DLGAP2: variants seen among roughly 807,000 people sequenced by gnomAD.
DLGAP2 encodes the protein disks large-associated protein 2.
In DLGAP2, 26 loss-of-function variants were observed where a neutral mutation model predicts 100.3. The ratio of observed to expected loss-of-function variants is 0.26; its 90% confidence interval spans 0.19 to 0.36. The LOEUF (loss-of-function observed/expected upper bound fraction) is 0.36, where lower values mean the gene tolerates loss of function less well. Ranked by LOEUF, DLGAP2 falls within the 10% of genes least tolerant of loss-of-function variation. The probability of loss-of-function intolerance (pLI) is 1.00; values close to 1 mark genes in which losing one functional copy is unlikely to be tolerated. For synonymous variants in DLGAP2, 886 were observed against 630.1 expected (o/e 1.41, Z -6.08); for missense variants, 1,858 against 1,453.2 (o/e 1.28, Z -4.53).
chr8:761,459 G>A (rs73673010), intron 1 of DLGAP2, among the ~76,000 whole-genome samples: 2,100 of 152,230 alleles, frequency 0.014, 44 homozygotes, highest in African/African-American at 0.049. Flanking sequence ...AATAATGGCC[G>A]GGCCTTCTGT....
At position 1,238,288 on chromosome 8, in the gene DLGAP2, T is replaced by TAGC. The variant is rs1162009001; in HGVS notation, c.74-20563_74-20562insAGC. Among the ~76,000 whole-genome samples, 10 of 29,022 alleles carry TAGC rather than the reference T, an allele frequency of 3.4e-4. 1 individual carries two copies. The highest frequency in any genetic ancestry group is 1.6e-3 in the African/African-American group (8 of 5,060). The allele number at this position is 29,022 out of a possible 152,430, so 19.0% of individuals were successfully genotyped here. A position where few individuals can be genotyped will look rare whatever the true frequency, so the allele number is the denominator to read the frequency against. ...TGGTACCGTGTCTAGTTCTCTCACA[T>TAGC]GTTGCCGTGTCTAGTTCTCTCTCAC... On this transcript the variant is annotated intron_variant, in intron 2 of 14. Coordinates refer to ENST00000637795, the MANE Select transcript of DLGAP2 (RefSeq NM_001346810.2).
intron 3 of DLGAP2, among the ~76,000 whole-genome samples, chr8:1,261,867 G>A (rs1799357076): frequency 2.0e-5 from 3 of 152,296 alleles, no homozygotes; most frequent in Admixed American, 6.5e-5. Flanking sequence ...CAGCTTCTGC[G>A]AGTTAACTCA....
chr8:1,317,404 C>G (rs1256805505), intron 3 of DLGAP2, among the ~76,000 whole-genome samples: 2 of 140,088 alleles, frequency 1.4e-5, no homozygotes, highest in African/African-American at 2.8e-5. Flanking sequence ...AGTGCAGCGT[C>G]TCTCCAACAG....
chr8:1,121,400 C>T (rs1796044444), intron 2 of DLGAP2, among the ~76,000 whole-genome samples: 1 of 151,664 alleles, frequency 6.6e-6, no homozygotes, highest in Non-Finnish European at 1.5e-5. Flanking sequence ...CCCTGACCAC[C>T]CATCCTCTTC....
intron 2 of DLGAP2, among the ~76,000 whole-genome samples, chr8:1,094,992 C>G (rs1804319064): frequency 6.6e-6 from 1 of 152,330 alleles, no homozygotes; most frequent in East Asian, 1.9e-4. Flanking sequence ...GTCTCAGCAG[C>G]CTGCTCCAGG....
At chr8:1,359,236 C>T (rs1304618243) in intron 3 of DLGAP2, among the ~76,000 whole-genome samples, 2 of 152,164 alleles carry the variant, frequency 1.3e-5, no homozygotes, top group African/African-American at 4.8e-5. Flanking sequence ...ATCCACCTCC[C>T]GGGACGCATC....
chr8:1,309,135 T>A (rs1389217677), intron 3 of DLGAP2, among the ~76,000 whole-genome samples: 1 of 151,726 alleles, frequency 6.6e-6, no homozygotes, highest in African/African-American at 2.4e-5. Flanking sequence ...AGCCTACACA[T>A]TACAAGAGTC....
intron 3 of DLGAP2, among the ~76,000 whole-genome samples, chr8:1,319,831 C>T (rs1338605366): frequency 6.6e-6 from 1 of 152,132 alleles, no homozygotes; most frequent in Non-Finnish European, 1.5e-5. Context: ...CAGACAATGG[C>T]AAGGTCAGGT....
At chr8:1,093,346 C>G (rs1804249252) in intron 2 of DLGAP2, among the ~76,000 whole-genome samples, 1 of 135,356 alleles carries the variant, frequency 7.4e-6, no homozygotes, top group South Asian at 2.1e-4. Flanking sequence ...GACAGAAACA[C>G]CTTCACACCA....
At chr8:1,562,003 G>C (rs368613678) in intron 5 of DLGAP2, among the ~76,000 whole-genome samples, 8 of 34,268 alleles carry the variant, frequency 2.3e-4, no homozygotes, top group African/African-American at 7.1e-4. Flanking sequence ...TTGGGGTGTC[G>C]GCGCCTCGTT....
At chr8:1,273,706 G>C (rs979043426) in intron 3 of DLGAP2, among the ~76,000 whole-genome samples, 12 of 152,208 alleles carry the variant, frequency 7.9e-5, no homozygotes, top group Admixed American at 7.9e-4. Flanking sequence ...AGCCCATGTG[G>C]TACCTCTGCT....
At chr8:1,044,684 G>C (rs1802468238) in intron 2 of DLGAP2, among the ~76,000 whole-genome samples, 2 of 152,154 alleles carry the variant, frequency 1.3e-5, no homozygotes, top group Admixed American at 1.3e-4. Flanking sequence ...TAAAAGACTA[G>C]AAGCTATCGG....
At chr8:1,678,671 C>G (rs1445149806) in intron 12 of DLGAP2, 42 bp downstream of exon 12, 1 of 1,445,492 alleles carries the variant, frequency 6.9e-7, no homozygotes, top group East Asian at 2.5e-5. Flanking sequence ...AATATCATTT[C>G]TCAGTAATGC....
intron 1 of DLGAP2, among the ~76,000 whole-genome samples, chr8:881,148 C>A (rs947797403): frequency 5.3e-5 from 8 of 152,202 alleles, no homozygotes. Flanking sequence ...AAAGTAGAAT[C>A]TTTCTTCTTA....
At chr8:921,182 G>A (rs945111598) in intron 2 of DLGAP2, among the ~76,000 whole-genome samples, 1 of 152,088 alleles carries the variant, frequency 6.6e-6, no homozygotes, top group Non-Finnish European at 1.5e-5. Context: ...ATAGTCCTAG[G>A]AATCTTTTTT....
intron 1 of DLGAP2, among the ~76,000 whole-genome samples, chr8:820,358 A>C (rs1257922403): frequency 6.6e-6 from 1 of 152,258 alleles, no homozygotes; most frequent in Admixed American, 6.5e-5. Flanking sequence ...ACACATGCAT[A>C]TGAAACCCTT....
chr8:971,311 C>T (rs548387278), intron 2 of DLGAP2, among the ~76,000 whole-genome samples: 5 of 152,232 alleles, frequency 3.3e-5, no homozygotes, highest in African/African-American at 9.6e-5. Context: ...CACATAAGGG[C>T]ATTGGAAGTC....
chr8:1,374,375 G>A (rs1220155244), intron 3 of DLGAP2, among the ~76,000 whole-genome samples: 1 of 151,942 alleles, frequency 6.6e-6, no homozygotes, highest in Non-Finnish European at 1.5e-5. Context: ...GACCTCAGCA[G>A]GGAGGCAGCT....
intron 4 of DLGAP2, among the ~76,000 whole-genome samples, chr8:1,526,544 A>G (rs1800799489): frequency 1.3e-5 from 2 of 152,198 alleles, no homozygotes; most frequent in Non-Finnish European, 2.9e-5. Context: ...TTGAACAAGC[A>G]AAGCTGGTTT....
Sources: allele counts gnomAD v4.1 joint callset (sites outside exome capture counted in the v4.1 genomes callset), GRCh38; gene constraint gnomAD v4.1.1; transcripts MANE v1.5; gene names NCBI Gene and HGNC (gene_info 2026-07-23, HGNC 2026-07-21).